EVI5: variants seen among roughly 807,000 people sequenced by gnomAD.
The protein encoded by EVI5 is ecotropic viral integration site 5 protein homolog.
EVI5 carries 73 observed loss-of-function variants against 112.0 expected under a neutral mutation model. The ratio of observed to expected loss-of-function variants is 0.65; its 90% CI spans 0.54 to 0.79. The LOEUF (loss-of-function observed/expected upper bound fraction) is 0.79, where lower values mean the gene tolerates loss of function less well. Among genes scored for constraint, EVI5 ranks in the 30% least tolerant of loss-of-function variants. The probability of loss-of-function intolerance (pLI) is 0.00; values close to 1 mark genes in which losing one functional copy is unlikely to be tolerated. For synonymous variants in EVI5, 305 were observed against 319.9 expected, an observed-to-expected ratio of 0.95 and a Z score of 0.50; for missense variants, 900 against 968.8, an observed-to-expected ratio of 0.93 and a Z score of 0.94.
Position 92,607,713 on chromosome 1 carries a change from A to G in EVI5, c.1842T>C (p.Ser614=), listed in dbSNP as rs1341607662. 6.3e-7 allele frequency: 1 copy of G among 1,597,092 alleles called. No individual in the cohort carries two copies. Among genetic ancestry groups the G allele is most frequent in the Non-Finnish European group, 8.5e-7 (1 of 1,173,622 alleles). The change falls in exon 17 of 20, where the codon AGT becomes AGC. Residue 614 remains serine, a synonymous_variant. Coordinates refer to ENST00000684568, the MANE Select transcript of EVI5 (RefSeq NM_001350197.2). ...CTTGTTCTGCTCTTCGAAGATGGTTACTATTGATCTGGTTCTAATAATCAG... is the reference window on the plus strand; with the variant it reads ...CTTGTTCTGCTCTTCGAAGATGGTTGCTATTGATCTGGTTCTAATAATCAG... ...MEMETQNQIN[S]NHLRRAEQEV...
chr1:92,683,550 G>A (rs1366865416), intron 9 of EVI5, among the ~76,000 whole-genome samples: 1 of 152,234 alleles, frequency 6.6e-6, no homozygotes, highest in East Asian at 1.9e-4. Flanking sequence ...ACTGGATGGA[G>A]AATGAGTTTG....
At chr1:92,733,632 G>A (rs961991744) in intron 2 of EVI5, among the ~76,000 whole-genome samples, 5 of 151,152 alleles carry the variant, frequency 3.3e-5, no homozygotes, top group Non-Finnish European at 5.9e-5. Flanking sequence ...AGGTGGTCTC[G>A]AACTCCTGAG....
rs1354540230 is a variant in EVI5, at chr1:92,609,267, C to T, written c.1828-1540G>A. Among the ~76,000 whole-genome samples, 8 of 152,210 alleles carry T rather than the reference C, an allele frequency of 5.3e-5. No individual in the cohort carries two copies. In the East Asian group the frequency reaches 1.5e-3, roughly 29 times the overall value. On this transcript the variant is annotated intron_variant, in intron 16 of 19. Coordinates refer to ENST00000684568, the MANE Select transcript of EVI5 (RefSeq NM_001350197.2). ...CTACCAAATTTCAGTAGAGATAGTA[C>T]TACTTGCCTTTTGAGACTATGTTGT...
chr1:92,688,611 G>C (rs761901538), intron 9 of EVI5, among the ~76,000 whole-genome samples: 1 of 152,166 alleles, frequency 6.6e-6, no homozygotes, highest in Non-Finnish European at 1.5e-5. Context: ...AAGGTGCGAA[G>C]AAGAACCGAG....
intron 1 of EVI5, among the ~76,000 whole-genome samples, chr1:92,758,008 A>G (rs954359116): frequency 1.3e-5 from 2 of 152,122 alleles, no homozygotes; most frequent in African/African-American, 4.8e-5. Context: ...ATAAATTATG[A>G]CACTACCATA....
At chr1:92,601,976 A>C (rs2101535959) in intron 18 of EVI5, among the ~76,000 whole-genome samples, 1 of 152,340 alleles carries the variant, frequency 6.6e-6, no homozygotes, top group Non-Finnish European at 1.5e-5. Context: ...AGCATGATTT[A>C]AACAACTGAT....
At chr1:92,571,833 G>A (rs982526037) in intron 18 of EVI5, among the ~76,000 whole-genome samples, 7 of 152,068 alleles carry the variant, frequency 4.6e-5, no homozygotes, top group African/African-American at 9.7e-5. Context: ...TTTTCTTTTG[G>A]TCTAGCTGAT....
At chr1:92,719,696 G>A (rs1336666745) in intron 2 of EVI5, among the ~76,000 whole-genome samples, 4 of 152,018 alleles carry the variant, frequency 2.6e-5, no homozygotes, top group Non-Finnish European at 5.9e-5. Flanking sequence ...GTTCTCGCCA[G>A]GGTAATCAGG....
At chr1:92,738,443 ATAAT>A (rs1406007316) in intron 1 of EVI5, among the ~76,000 whole-genome samples, 2 of 152,358 alleles carry the variant, frequency 1.3e-5, no homozygotes, top group African/African-American at 2.4e-5. Flanking sequence ...ACAATTTTCA[ATAAT>A]TAATGCTTTA....
At chr1:92,763,323 T>C (rs559110469) in intron 1 of EVI5, among the ~76,000 whole-genome samples, 1 of 152,282 alleles carries the variant, frequency 6.6e-6, no homozygotes, top group East Asian at 1.9e-4. Context: ...AGAATATCAA[T>C]AAAAATTTTG....
intron 19 of EVI5, among the ~76,000 whole-genome samples, chr1:92,551,435 A>C (rs1666923499): frequency 6.6e-6 from 1 of 152,188 alleles, no homozygotes; most frequent in South Asian, 2.1e-4. Context: ...AGTAGGAATA[A>C]TCAGCTTTGA....
upstream of EVI5, among the ~76,000 whole-genome samples, chr1:92,786,285 T>C (rs1002572936): frequency 1.4e-5 from 2 of 140,788 alleles, no homozygotes; most frequent in Admixed American, 7.1e-5. Context: ...GATTAGGAAA[T>C]ACCAAGAAAT....
upstream of EVI5, among the ~76,000 whole-genome samples, chr1:92,785,785 G>GTA (rs1480159255): frequency 6.6e-5 from 10 of 152,126 alleles, no homozygotes; most frequent in Non-Finnish European, 1.2e-4. Context: ...TTCATTATAT[G>GTA]TTTAGAAGTG....
At chr1:92,774,990 G>A (rs975475648) in intron 1 of EVI5, among the ~76,000 whole-genome samples, 1 of 152,192 alleles carries the variant, frequency 6.6e-6, no homozygotes, top group Admixed American at 6.6e-5. Flanking sequence ...TTCCAATGAG[G>A]AAGGACTATC....
chr1:92,717,375 G>T (rs1673908013), intron 2 of EVI5, among the ~76,000 whole-genome samples: 1 of 152,220 alleles, frequency 6.6e-6, no homozygotes, highest in Non-Finnish European at 1.5e-5. Flanking sequence ...CCAGAAGAGA[G>T]TAGGGGCCAA....
chr1:92,771,641 C>G (rs1205125742), intron 1 of EVI5, among the ~76,000 whole-genome samples: 1 of 151,310 alleles, frequency 6.6e-6, no homozygotes, highest in African/African-American at 2.4e-5. Context: ...GAGTCTCCCT[C>G]TGTCACCCAG....
At chr1:92,708,457 G>A (rs1286359074) in intron 2 of EVI5, among the ~76,000 whole-genome samples, 1 of 152,036 alleles carries the variant, frequency 6.6e-6, no homozygotes, top group Non-Finnish European at 1.5e-5. Context: ...CAATCGAGAT[G>A]ACAAATAACA....
chr1:92,610,249 G>A (rs193194494), intron 16 of EVI5, among the ~76,000 whole-genome samples: 3 of 152,200 alleles, frequency 2.0e-5, no homozygotes, highest in East Asian at 1.9e-4. Context: ...TCTTAGTGCC[G>A]TATTCAAAAT....
At chr1:92,531,686 C>A (rs1662889996) in intron 19 of EVI5, among the ~76,000 whole-genome samples, 3 of 152,152 alleles carry the variant, frequency 2.0e-5, no homozygotes, top group Admixed American at 2.0e-4. Context: ...TCCAGACAAA[C>A]TAAGCTTCAC....
Sources: gnomAD v4.1 joint callset for allele counts (sites outside exome capture counted in the v4.1 genomes callset) on GRCh38, gnomAD v4.1.1 for gene constraint, MANE v1.5 for transcripts, NCBI Gene and HGNC (gene_info 2026-07-23, HGNC 2026-07-21) for gene names.